The following IL1R1 variants were observed in gnomAD, a reference collection of about 807,000 sequenced individuals.
IL1R1 encodes the protein interleukin-1 receptor type 1.
A neutral mutation model predicts 50.2 loss-of-function variants in IL1R1; 22 were observed. That is an observed-to-expected ratio of 0.44 (90% CI 0.31 to 0.63). The LOEUF is 0.63. Ranked by LOEUF, IL1R1 falls within the 20% of genes least tolerant of loss-of-function variation. The pLI is 0.07. For synonymous variants in IL1R1, 251 were observed against 236.7 expected (o/e 1.06, Z -0.55); for missense variants, 509 against 676.2 (o/e 0.75, Z 2.74).
chr2:102,141,656 G>A (rs956730), upstream of IL1R1: 63,103 of 152,028 alleles, frequency 0.42, 14,876 homozygotes, highest in African/African-American at 0.66. Context: ...TTGAGTTTCT[G>A]AAGAGGCATA....
chr2:102,134,861 G>A (rs531813851), intron 1 of IL1R1, among the ~76,000 whole-genome samples: 3 of 152,196 alleles, frequency 2.0e-5, no homozygotes, highest in South Asian at 4.1e-4. Flanking sequence ...CTCATTCTTC[G>A]TGTTCTTAGG....
At chr2:102,094,814 T>C (rs1194225516) in intron 1 of IL1R1, among the ~76,000 whole-genome samples, 2 of 147,848 alleles carry the variant, frequency 1.4e-5, no homozygotes, top group South Asian at 2.2e-4. Flanking sequence ...TGGAACAGGT[T>C]GCATATATAT....
At chr2:102,171,707 CTATATCTAAAATTTT>C in intron 7 of IL1R1, 79 bp from the exon 8 acceptor site, 1 of 625,406 alleles carries the variant, frequency 1.6e-6, no homozygotes, top group Non-Finnish European at 2.5e-6. Flanking sequence ...TTGTGCATTT[CTATATCTAAAATTTT>C]AATTCAATAG....
chr2:102,117,234 A>G (rs552129487), intron 1 of IL1R1, among the ~76,000 whole-genome samples: 2 of 152,212 alleles, frequency 1.3e-5, no homozygotes, highest in Non-Finnish European at 2.9e-5. Context: ...AACGCAAAGC[A>G]CTGAGTGCCA....
intron 6 of IL1R1, among the ~76,000 whole-genome samples, chr2:102,167,356 T>A (rs1685268103): frequency 6.6e-6 from 1 of 152,066 alleles, no homozygotes; most frequent in South Asian, 2.1e-4. Flanking sequence ...AGCTCTGGTC[T>A]GTCTTTCCTG....
At chr2:102,125,332 T>A (rs1006674477) in intron 1 of IL1R1, among the ~76,000 whole-genome samples, 1 of 152,238 alleles carries the variant, frequency 6.6e-6, no homozygotes, top group Admixed American at 6.5e-5. Flanking sequence ...TTCTTCATCA[T>A]ATTTGCATCA....
chr2:102,134,353 C>T (rs1396699272), intron 1 of IL1R1, among the ~76,000 whole-genome samples: 1 of 151,954 alleles, frequency 6.6e-6, no homozygotes, highest in East Asian at 1.9e-4. Flanking sequence ...ACTTCAGATA[C>T]CTGCATCACT....
chr2:102,150,711 G>A (rs1382761455), intron 1 of IL1R1, among the ~76,000 whole-genome samples: 1 of 152,168 alleles, frequency 6.6e-6, no homozygotes, highest in Non-Finnish European at 1.5e-5. Flanking sequence ...CGGAAGTGGG[G>A]ATGACCAGCC....
intron 1 of IL1R1, among the ~76,000 whole-genome samples, chr2:102,148,115 T>C (rs1280943826): frequency 2.6e-5 from 4 of 152,174 alleles, no homozygotes; most frequent in African/African-American, 9.7e-5. Flanking sequence ...GTGACCACAT[T>C]GAACACACAG....
chr2:102,101,607 A>G (rs1205768951), upstream of IL1R1, among the ~76,000 whole-genome samples: 1 of 152,248 alleles, frequency 6.6e-6, no homozygotes, highest in African/African-American at 2.4e-5. Flanking sequence ...TTACAGCCAC[A>G]TTAAAGATAT....
rs142410967 is a variant in IL1R1 at position 102,123,976 on chromosome 2, G to A, written c.-84+19104G>A. Among the ~76,000 whole-genome samples, 699 of 152,016 alleles carry A rather than the reference G, an allele frequency of 4.6e-3. 22 individuals carry two copies. Among genetic ancestry groups the A allele is most frequent in the Admixed American group, 0.039 (591 of 15,250 alleles). ...GTGAAAGGGATGGAAAGGGGAAGAG[G>A]GAAAGAGAAAGGGGTTTATCTTGTG... is the stretch of plus-strand genomic sequence containing the variant. On this transcript the variant is annotated intron_variant, in intron 1 of 10. Transcript: ENST00000409329.
rs532547992 is a variant in IL1R1, at chr2:102,080,656, G to A, written c.-84+10123G>A. Among the ~76,000 whole-genome samples the A allele has an allele frequency of 5.9e-5, 9 of 152,284 alleles. No homozygotes were observed. The South Asian group carries it at 1.7e-3, about 28-fold the overall frequency. ...TACAGCTACTTTTAAAATAGTTTGT[G>A]GTTCTTTGAAATGTTCAACATAGAG... On this transcript the variant is annotated intron_variant, in intron 1 of 11. Coordinates refer to the IL1R1 transcript ENST00000409929.
At chr2:102,103,207 G>A (rs1453984767), upstream of IL1R1, among the ~76,000 whole-genome samples, 2 of 152,082 alleles carry the variant, frequency 1.3e-5, no homozygotes, top group Non-Finnish European at 2.9e-5. Context: ...AGAATGCCTG[G>A]CACCTGTAAG....
Position 102,176,694 on chromosome 2 carries a change from C to A in IL1R1, c.1645C>A (p.His549Asn). The A allele has an allele frequency of 6.2e-7, 1 of 1,614,188 alleles. No individual in the cohort carries two copies. The change falls in exon 12 of 12, where the codon CAC becomes AAC. Residue 549 changes from histidine to asparagine, a missense_variant. His to Asn is a moderately conservative substitution (Grantham distance 68). Transcript: ENST00000410023. The stretch of plus-strand genomic sequence containing the variant: ...CCAGCGACGGTCACCTTCATCTAAA[C>A]ACCAGTTACTGTCACCAGCCACTAA... ...PVQRRSPSSK[H>N]QLLSPATKEK...
chr2:102,089,081 T>C (rs953938419), intron 1 of IL1R1, among the ~76,000 whole-genome samples: 13 of 152,252 alleles, frequency 8.5e-5, no homozygotes, highest in Non-Finnish European at 1.5e-4. Flanking sequence ...GTGTGTTCAC[T>C]GGAGTAGCAC....
intron 1 of IL1R1, among the ~76,000 whole-genome samples, chr2:102,119,878 C>A (rs780757620): frequency 6.6e-6 from 1 of 152,136 alleles, no homozygotes; most frequent in Non-Finnish European, 1.5e-5. Context: ...ATAGTCACCA[C>A]GTTGTCCATT....
At chr2:102,135,588 A>G (rs1243818904) in intron 1 of IL1R1, among the ~76,000 whole-genome samples, 1 of 152,230 alleles carries the variant, frequency 6.6e-6, no homozygotes, top group East Asian at 1.9e-4. Flanking sequence ...AGAACGAATG[A>G]TCACCTGGTT....
chr2:102,120,282 A>G (rs1681334677), intron 1 of IL1R1, among the ~76,000 whole-genome samples: 1 of 152,008 alleles, frequency 6.6e-6, no homozygotes, highest in Non-Finnish European at 1.5e-5. Flanking sequence ...GTCAGTGTGT[A>G]TCATATGTTG....
chr2:102,136,206 A>C (rs752691450), intron 1 of IL1R1, among the ~76,000 whole-genome samples: 29 of 152,098 alleles, frequency 1.9e-4, no homozygotes, highest in Non-Finnish European at 3.7e-4. Flanking sequence ...CCAGAGTAGG[A>C]ACAACTCAGC....
Sources: gnomAD v4.1 joint callset for allele counts (sites outside exome capture counted in the v4.1 genomes callset) on GRCh38, gnomAD v4.1.1 for gene constraint, MANE v1.5 for transcripts, NCBI Gene and HGNC (gene_info 2026-07-23, HGNC 2026-07-21) for gene names.